PNLIPRP3: variants seen among roughly 807,000 people sequenced by gnomAD.
PNLIPRP3 encodes pancreatic lipase related protein 3.
In PNLIPRP3, 58 loss-of-function variants were observed where a neutral mutation model predicts 52.8. The ratio of observed to expected loss-of-function variants is 1.10; its 90% confidence interval spans 0.89 to 1.37. PNLIPRP3 has a LOEUF of 1.37. Among genes scored for constraint, PNLIPRP3 ranks in the 40% most tolerant of loss-of-function variants. PNLIPRP3 has a pLI of 0.00. For synonymous variants in PNLIPRP3, 192 were observed against 185.0 expected, an observed-to-expected ratio of 1.04 and a Z score of -0.31; for missense variants, 593 against 561.6, an observed-to-expected ratio of 1.06 and a Z score of -0.57.
At chr10:116,439,866 A>G in intron 2 of PNLIPRP3, 1 of 786,082 alleles carries the variant, frequency 1.3e-6, no homozygotes, top group Non-Finnish European at 2.4e-6. Flanking sequence ...CCATTTCATC[A>G]AATTTAGATT....
intron 4 of PNLIPRP3, among the ~76,000 whole-genome samples, chr10:116,451,551 A>C (rs900380743): frequency 1.3e-5 from 2 of 152,178 alleles, no homozygotes; most frequent in African/African-American, 4.8e-5. Context: ...TGAATGGCTT[A>C]GTGCCATCCT....
rs1564707296 is a variant in PNLIPRP3, at chr10:116,476,217, GA to G, written c.1173-434del. Among the ~76,000 whole-genome samples the G allele has an allele frequency of 5.7e-4, 87 of 152,226 alleles. 2 individuals carry two copies. The South Asian group carries it at 0.017, about 30-fold the overall frequency. Reference sequence around the variant, plus strand: ...AGAAGGTACCAGAAAAAGGGCACGGGAGCACTCTGGTTAATCGAAGGGAGGT... The same window carrying G: ...AGAAGGTACCAGAAAAAGGGCACGGGGCACTCTGGTTAATCGAAGGGAGGT... On this transcript the variant is annotated intron_variant, in intron 10 of 11. Transcript: ENST00000369230.
rs1003707757 is a variant in PNLIPRP3 at position 116,447,018 on chromosome 10, T to C, written c.456+2505T>C. Reference sequence around the variant, plus strand: ...ATCTAGGGGCCAATGAGAACAAAGATGGGAAGAAAGATGTCATTCAAGCAG... The same window carrying C: ...ATCTAGGGGCCAATGAGAACAAAGACGGGAAGAAAGATGTCATTCAAGCAG... On this transcript the variant is annotated intron_variant, in intron 4 of 11. Coordinates refer to ENST00000369230, the MANE Select transcript of PNLIPRP3 (RefSeq NM_001011709.3). Among the ~76,000 whole-genome samples, 3 of 151,990 alleles carry C rather than the reference T, an allele frequency of 2.0e-5. No individual in the cohort carries two copies. The East Asian group carries it at 5.8e-4, about 29-fold the overall frequency.
intron 4 of PNLIPRP3, among the ~76,000 whole-genome samples, chr10:116,449,044 T>C (rs7099741): frequency 0.85 from 127,700 of 150,412 alleles, 56,397 homozygotes; most frequent in Non-Finnish European, 0.97. Context: ...AAATTTCTAA[T>C]TAGCTGGGCG....
intron 1 of PNLIPRP3, among the ~76,000 whole-genome samples, chr10:116,430,222 G>A (rs1845691541): frequency 1.3e-5 from 2 of 152,122 alleles, no homozygotes; most frequent in African/African-American, 4.8e-5. Context: ...CTTGTAAAAG[G>A]TCTCTTCTCT....
intron 10 of PNLIPRP3, among the ~76,000 whole-genome samples, chr10:116,472,714 C>T (rs576631514): frequency 2.7e-4 from 41 of 152,270 alleles, no homozygotes; most frequent in Admixed American, 6.5e-4. Context: ...TGATCTGGAT[C>T]CTGATTGGTG....
At chr10:116,467,626 G>A (rs1052532648) in intron 8 of PNLIPRP3, among the ~76,000 whole-genome samples, 1 of 151,812 alleles carries the variant, frequency 6.6e-6, no homozygotes, top group Non-Finnish European at 1.5e-5. Flanking sequence ...TTCCCCTAAG[G>A]CAGAGTTGAA....
rs1037487873 is a variant in PNLIPRP3, at chr10:116,449,800, C to T, written c.456+5287C>T. 1.4e-4 allele frequency among the ~76,000 whole-genome samples: 21 copies of T among 152,270 alleles called. No homozygotes were observed. In the East Asian group the frequency reaches 3.7e-3, roughly 27 times the overall value. Reference sequence around the variant, plus strand: ...TTCACCCAACAGCAGAATACACTTTCGTCTCAGGTACACACAGAACCTTCG... The same window carrying T: ...TTCACCCAACAGCAGAATACACTTTTGTCTCAGGTACACACAGAACCTTCG... On this transcript the variant is annotated intron_variant, in intron 4 of 11. Transcript: ENST00000369230.
intron 4 of PNLIPRP3, among the ~76,000 whole-genome samples, chr10:116,450,710 T>C (rs181885934): frequency 3.3e-5 from 5 of 151,996 alleles, no homozygotes; most frequent in African/African-American, 9.6e-5. Context: ...CTAGAAGAAA[T>C]AGATAAATTC....
At chr10:116,433,114 CAAAA>C (rs71010080) in intron 1 of PNLIPRP3, among the ~76,000 whole-genome samples, 15 of 8,500 alleles carry the variant, frequency 1.8e-3, no homozygotes, top group African/African-American at 7.8e-3. Context: ...AACTCCATCT[CAAAA>C]AAAAAAAAAA....
chr10:116,443,744 AATGT>A (rs1845894601), intron 3 of PNLIPRP3, among the ~76,000 whole-genome samples: 1 of 122,926 alleles, frequency 8.1e-6, no homozygotes, highest in South Asian at 2.7e-4. Flanking sequence ...GCTAATTACT[AATGT>A]GTGTGTGTGT....
chr10:116,437,104 T>C (rs560810143), intron 2 of PNLIPRP3, among the ~76,000 whole-genome samples: 15 of 152,294 alleles, frequency 9.8e-5, no homozygotes, highest in African/African-American at 3.4e-4. Flanking sequence ...CAGGTAAACT[T>C]GATATTATGT....
In PNLIPRP3 at chr10:116,444,681, TAA is replaced by T. The variant is rs374023018; in HGVS notation, c.456+170_456+171del. 8.5e-5 allele frequency among the ~76,000 whole-genome samples: 13 copies of T among 152,334 alleles called. No homozygotes were observed. In the East Asian group the frequency reaches 1.2e-3, roughly 14 times the overall value. On this transcript the variant is annotated intron_variant, in intron 4 of 11. Coordinates refer to ENST00000369230, the MANE Select transcript of PNLIPRP3 (RefSeq NM_001011709.3). ...CAAAAAAGGAAAAGTTTCTTCGCAG[TAA>T]AGAGTCTGTGGTTATTTGAAGCACC... is the stretch of plus-strand genomic sequence containing the variant.
intron 4 of PNLIPRP3, among the ~76,000 whole-genome samples, chr10:116,447,378 G>A (rs753546661): frequency 1.2e-4 from 18 of 152,128 alleles, no homozygotes; most frequent in Admixed American, 5.2e-4. Context: ...CGCAGAGGTG[G>A]CTATTTTTTC....
At chr10:116,440,740 C>T (rs552784032) in intron 2 of PNLIPRP3, among the ~76,000 whole-genome samples, 1 of 152,312 alleles carries the variant, frequency 6.6e-6, no homozygotes, top group Non-Finnish European at 1.5e-5. Flanking sequence ...AACCGACTTC[C>T]CCCATGAATC....
intron 3 of PNLIPRP3, 55 bp downstream of exon 3, chr10:116,443,229 T>C (rs934724210): frequency 6.5e-7 from 1 of 1,537,922 alleles, no homozygotes; most frequent in Non-Finnish European, 8.8e-7. Flanking sequence ...ATGTTTAACA[T>C]GAATGTACTT....
chr10:116,452,224 C>A (rs1846050119), intron 4 of PNLIPRP3, among the ~76,000 whole-genome samples: 1 of 152,144 alleles, frequency 6.6e-6, no homozygotes. Context: ...TTCTAAGCAG[C>A]AAAGCATTCA....
chr10:116,450,583 T>C (rs2133129896), intron 4 of PNLIPRP3, among the ~76,000 whole-genome samples: 1 of 152,096 alleles, frequency 6.6e-6, no homozygotes, highest in South Asian at 2.1e-4. Flanking sequence ...AAAAAAAACT[T>C]GAGAAGACTA....
intron 8 of PNLIPRP3, among the ~76,000 whole-genome samples, chr10:116,468,804 T>C (rs545837259): frequency 1.3e-5 from 2 of 152,330 alleles, no homozygotes; most frequent in South Asian, 4.1e-4. Flanking sequence ...AATTCCCCTA[T>C]TACACGTATT....
Sources: allele counts gnomAD v4.1 joint callset (sites outside exome capture counted in the v4.1 genomes callset), GRCh38; gene constraint gnomAD v4.1.1; transcripts MANE v1.5; gene names NCBI Gene and HGNC (gene_info 2026-07-23, HGNC 2026-07-21).